The following CLVS1 variants were observed in gnomAD, a reference collection of about 807,000 sequenced individuals.
CLVS1 encodes clavesin-1.
A neutral mutation model predicts 33.1 loss-of-function variants in CLVS1; 10 were observed. That is an observed-to-expected ratio of 0.30 (90% CI 0.19 to 0.51). The LOEUF (loss-of-function observed/expected upper bound fraction) is 0.51, where lower values mean the gene tolerates loss of function less well. Among genes scored for constraint, CLVS1 ranks in the 20% least tolerant of loss-of-function variants. The pLI is 0.97. For synonymous variants in CLVS1, 163 were observed against 166.1 expected (o/e 0.98, Z 0.14); for missense variants, 343 against 433.4 (o/e 0.79, Z 1.85).
chr8:61,411,706 T>A (rs1350406727), intron 3 of CLVS1, among the ~76,000 whole-genome samples: 1 of 152,168 alleles, frequency 6.6e-6, no homozygotes, highest in Non-Finnish European at 1.5e-5. Context: ...CCTCCTTTAC[T>A]GGATGAGCCC....
chr8:61,079,599 C>A (rs1241185212), intron 1 of CLVS1, among the ~76,000 whole-genome samples: 1 of 152,304 alleles, frequency 6.6e-6, no homozygotes, highest in Non-Finnish European at 1.5e-5. Flanking sequence ...TCTCAATTAC[C>A]TGTGACTTTC....
intron 2 of CLVS1, among the ~76,000 whole-genome samples, chr8:61,230,222 G>C (rs1275549384): frequency 6.6e-6 from 1 of 152,164 alleles, no homozygotes; most frequent in Non-Finnish European, 1.5e-5. Context: ...CGTGTAGCCT[G>C]TTTCTACTTT....
At chr8:60,976,276 A>G in the CLVS1 span, among the ~76,000 whole-genome samples, 2 of 152,212 alleles carry the variant, frequency 1.3e-5, no homozygotes, top group Non-Finnish European at 2.9e-5. Context: ...CCACATTGAA[A>G]AAATGCTTTT....
At chr8:61,220,676 G>T (rs878952347) in intron 2 of CLVS1, among the ~76,000 whole-genome samples, 1 of 151,768 alleles carries the variant, frequency 6.6e-6, no homozygotes, top group Non-Finnish European at 1.5e-5. Context: ...ATTTAAGATA[G>T]TTTTTTCTAA....
intron 5 of CLVS1, 130 bp downstream of exon 5, chr8:61,458,672 T>C: frequency 4.7e-6 from 3 of 641,348 alleles, no homozygotes; most frequent in Middle Eastern, 2.6e-4. Flanking sequence ...TTGCAATGCA[T>C]TCTCAGCTGA....
intron 5 of CLVS1, among the ~76,000 whole-genome samples, chr8:61,472,989 C>G (rs979737897): frequency 6.6e-6 from 1 of 152,016 alleles, no homozygotes. Flanking sequence ...AACACATTAC[C>G]CATACAAACA....
chr8:61,106,142 A>G (rs968265840), intron 1 of CLVS1, among the ~76,000 whole-genome samples: 1 of 152,194 alleles, frequency 6.6e-6, no homozygotes, highest in Non-Finnish European at 1.5e-5. Context: ...CTTCCCTGGA[A>G]GAGGTGGAGG....
At chr8:61,468,752 G>A (rs1817642493) in intron 5 of CLVS1, among the ~76,000 whole-genome samples, 1 of 136,106 alleles carries the variant, frequency 7.3e-6, no homozygotes, top group African/African-American at 2.9e-5. Context: ...TAGTTACTAT[G>A]TGCTATTTCA....
At chr8:61,243,942 T>C (rs1172154624) in intron 2 of CLVS1, among the ~76,000 whole-genome samples, 1 of 152,238 alleles carries the variant, frequency 6.6e-6, no homozygotes, top group Non-Finnish European at 1.5e-5. Context: ...TTTTCTAATA[T>C]AGCTGATCCT....
At chr8:61,028,708 C>T in the CLVS1 span, among the ~76,000 whole-genome samples, 6 of 152,314 alleles carry the variant, frequency 3.9e-5, no homozygotes, top group South Asian at 1.2e-3. Flanking sequence ...TTGCCACAGT[C>T]TCCTTAGCAA....
the CLVS1 span, among the ~76,000 whole-genome samples, chr8:61,013,918 C>A: frequency 1.3e-5 from 2 of 152,250 alleles, no homozygotes; most frequent in African/African-American, 4.8e-5. Flanking sequence ...GGCTCTTGTC[C>A]CTGTCATTGT....
At chr8:61,005,905 C>T in the CLVS1 span, among the ~76,000 whole-genome samples, 8 of 152,076 alleles carry the variant, frequency 5.3e-5, no homozygotes, top group Non-Finnish European at 1.0e-4. Context: ...GCGGGGGAGT[C>T]GGACCAATTC....
At chr8:61,054,530 A>G (rs1804443259), upstream of CLVS1, among the ~76,000 whole-genome samples, 1 of 152,138 alleles carries the variant, frequency 6.6e-6, no homozygotes, top group Non-Finnish European at 1.5e-5. Flanking sequence ...CTGCCAGATG[A>G]TGTTTCTCTG....
In CLVS1 at chr8:61,151,378, C is replaced by A. The variant is rs553273355; in HGVS notation, c.-152+19518C>A. ...GTTATCTTGTTAATATTCGCAATAA[C>A]CCTATGAAGTATATATTCTCCCCAT... On this transcript the variant is annotated intron_variant, in intron 2 of 2. Transcript: ENST00000522621. Among the ~76,000 whole-genome samples the A allele has an allele frequency of 2.6e-5, 4 of 152,284 alleles. No individual in the cohort carries two copies. The East Asian group carries it at 5.8e-4, about 22-fold the overall frequency.
the CLVS1 span, among the ~76,000 whole-genome samples, chr8:61,031,098 A>T: frequency 6.6e-6 from 1 of 152,248 alleles, no homozygotes; most frequent in East Asian, 1.9e-4. Context: ...GTTGATGGAA[A>T]AGAATTTTGG....
chr8:61,037,451 A>G, the CLVS1 span, among the ~76,000 whole-genome samples: 8 of 152,198 alleles, frequency 5.3e-5, no homozygotes, highest in South Asian at 2.1e-4. Flanking sequence ...TGTTGCAGGA[A>G]GTGACTGGAT....
intron 1 of CLVS1, among the ~76,000 whole-genome samples, chr8:61,288,811 G>A (rs1809872401): frequency 1.3e-5 from 2 of 152,192 alleles, no homozygotes; most frequent in Non-Finnish European, 2.9e-5. Flanking sequence ...TCACCCACAC[G>A]TCCGTTTCCT....
intron 2 of CLVS1, among the ~76,000 whole-genome samples, chr8:61,139,159 G>T (rs1288866744): frequency 6.6e-6 from 1 of 152,190 alleles, no homozygotes; most frequent in Non-Finnish European, 1.5e-5. Context: ...ACGCACGCGG[G>T]CAGTGAGGGG....
intron 2 of CLVS1, among the ~76,000 whole-genome samples, chr8:61,233,359 T>C (rs1227836444): frequency 6.6e-6 from 1 of 152,056 alleles, no homozygotes; most frequent in African/African-American, 2.4e-5. Flanking sequence ...TTCAGTGAGG[T>C]ACAAACAGGG....
Sources: gnomAD v4.1 joint callset for allele counts (sites outside exome capture counted in the v4.1 genomes callset) on GRCh38, gnomAD v4.1.1 for gene constraint, MANE v1.5 for transcripts, NCBI Gene and HGNC (gene_info 2026-07-23, HGNC 2026-07-21) for gene names.